Variants in EXD1 observed in about 807,000 individuals in gnomAD.
EXD1 encodes exonuclease 3'-5' domain containing 1.
Under a neutral mutation model 49.1 loss-of-function variants are expected in EXD1, and 63 were observed. That is an observed-to-expected ratio of 1.28 (90% confidence interval 1.05 to 1.58). EXD1 has a LOEUF of 1.58. Ranked by LOEUF, EXD1 falls within the 40% of genes most tolerant of loss-of-function variation. The pLI is 0.00. For synonymous variants in EXD1, 234 were observed against 239.2 expected (o/e 0.98, Z 0.20); for missense variants, 748 against 666.0 (o/e 1.12, Z -1.36).
chr15:41,202,166 AT>A lies in EXD1; in HGVS notation c.535-6130del, dbSNP rs778214982. On this transcript the variant is annotated intron_variant, in intron 7 of 11. Transcript: ENST00000458580. ...ACTTTCATTATATATATATATATAT[AT>A]TTTTTTTAATTTAATTTTATTTTTT... 7.2e-3 allele frequency among the ~76,000 whole-genome samples: 953 copies of A among 132,640 alleles called. 10 individuals are homozygous for A. Among genetic ancestry groups the A allele is most frequent in the African/African-American group, 0.031 (917 of 29,860 alleles). 87.0% of individuals were successfully genotyped at this position (132,640 alleles called of 152,430 possible).
At chr15:41,204,908 T>C (rs1051243292) in intron 7 of EXD1, among the ~76,000 whole-genome samples, 1 of 152,088 alleles carries the variant, frequency 6.6e-6, no homozygotes, top group African/African-American at 2.4e-5. Flanking sequence ...TCCCGCTACA[T>C]ACCAGGAAAG....
chr15:41,206,249 C>T (rs1240123104), intron 7 of EXD1, among the ~76,000 whole-genome samples: 1 of 151,942 alleles, frequency 6.6e-6, no homozygotes, highest in Non-Finnish European at 1.5e-5. Flanking sequence ...GCAGGCAGAT[C>T]ACTTGAGGTT....
intron 2 of EXD1, among the ~76,000 whole-genome samples, chr15:41,222,638 A>ATTT (rs10555628): frequency 1.5e-5 from 2 of 133,724 alleles, no homozygotes; most frequent in Non-Finnish European, 3.2e-5. Flanking sequence ...TTTTATTTAA[A>ATTT]TTTTTTTTTT....
At chr15:41,199,230 G>A (rs886658364) in intron 7 of EXD1, among the ~76,000 whole-genome samples, 1 of 151,862 alleles carries the variant, frequency 6.6e-6, no homozygotes, top group East Asian at 1.9e-4. Context: ...GGGATTACAG[G>A]CATGAGCTAC....
intron 2 of EXD1, among the ~76,000 whole-genome samples, chr15:41,221,799 C>T (rs1448859356): frequency 6.6e-6 from 1 of 151,972 alleles, no homozygotes; most frequent in Non-Finnish European, 1.5e-5. Context: ...CTCATATTTT[C>T]AACTAAGAAC....
intron 11 of EXD1, among the ~76,000 whole-genome samples, chr15:41,186,300 C>T (rs1239929104): frequency 6.6e-6 from 1 of 151,742 alleles, no homozygotes; most frequent in Non-Finnish European, 1.5e-5. Context: ...GGCCAAACCC[C>T]ATCTCTACTA....
intron 7 of EXD1, among the ~76,000 whole-genome samples, chr15:41,208,034 G>A (rs1469352705): frequency 1.3e-5 from 2 of 150,174 alleles, no homozygotes; most frequent in Admixed American, 1.3e-4. Context: ...AAGAAAGAGA[G>A]AAAACAAAAA....
chr15:41,188,339 T>A (rs1359808800), intron 11 of EXD1, among the ~76,000 whole-genome samples: 1 of 108,946 alleles, frequency 9.2e-6, no homozygotes, highest in African/African-American at 3.4e-5. Flanking sequence ...CTCTTCCCCC[T>A]CCCCTTGTCC....
At chr15:41,214,654 C>T (rs2046974092) in intron 6 of EXD1, among the ~76,000 whole-genome samples, 1 of 152,176 alleles carries the variant, frequency 6.6e-6, no homozygotes, top group Non-Finnish European at 1.5e-5. Flanking sequence ...TCACTGTGGT[C>T]CTGTCACACT....
chr15:41,186,169 A>C (rs917031650), intron 11 of EXD1, among the ~76,000 whole-genome samples: 8 of 152,070 alleles, frequency 5.3e-5, no homozygotes, highest in Non-Finnish European at 1.2e-4. Flanking sequence ...CCATGGATTC[A>C]ACCAACTGTA....
In EXD1 at chr15:41,229,337, G is replaced by A. The variant is rs892961882; in HGVS notation, c.-54+1142C>T. The stretch of plus-strand genomic sequence containing the variant: ...TACTAAAAATACAAAAATTAGCTGG[G>A]CGTGGTGGCACGCGCCTGTAATCCC... On this transcript the variant is annotated intron_variant, in intron 1 of 11. Coordinates refer to ENST00000458580, the MANE Select transcript of EXD1 (RefSeq NM_001286441.2). 3.3e-5 allele frequency among the ~76,000 whole-genome samples: 5 copies of A among 151,954 alleles called. No individual in the cohort carries two copies. In the South Asian group the frequency reaches 1.0e-3, roughly 31 times the overall value.
At chr15:41,194,756 C>T (rs768301702) in intron 9 of EXD1, among the ~76,000 whole-genome samples, 14 of 151,998 alleles carry the variant, frequency 9.2e-5, no homozygotes, top group Admixed American at 3.3e-4. Context: ...TTAGACAATA[C>T]GTATAAGATC....
Position 41,182,914 on chromosome 15 carries a change from TA to T in EXD1, c.*1016del, listed in dbSNP as rs2046345087. ...CTTCAAGTTTATATAACAGACAGAC[TA>T]AAAAGAAACCCAGGGTCCCTGCTTT... On this transcript the variant is annotated 3_prime_UTR_variant, in exon 12 of 12. Transcript: ENST00000458580. 2.0e-5 allele frequency: 3 copies of T among 152,166 alleles called. No homozygotes were observed. In the East Asian group the frequency reaches 5.8e-4, roughly 29 times the overall value. The allele number at this position is 152,166 out of a possible 1,614,324, so 9.4% of individuals were successfully genotyped here.
In EXD1 at chr15:41,198,024, CA is replaced by C. The variant is rs369020899; in HGVS notation, c.535-1988del. On this transcript the variant is annotated intron_variant, in intron 7 of 11. Transcript: ENST00000458580. ...GGAGGACAAGAGTGAGACTTTGTCT[CA>C]AAAAAAATAAAAATAAAGAAATAAA... is the stretch of plus-strand genomic sequence containing the variant. Among the ~76,000 whole-genome samples the C allele has an allele frequency of 3.4e-3, 515 of 151,148 alleles. 2 individuals are homozygous for C. Among genetic ancestry groups the C allele is most frequent in the African/African-American group, 0.012 (486 of 41,248 alleles).
At chr15:41,199,529 T>C (rs1435467967) in intron 7 of EXD1, among the ~76,000 whole-genome samples, 1 of 148,894 alleles carries the variant, frequency 6.7e-6, no homozygotes, top group African/African-American at 2.5e-5. Flanking sequence ...TTGCCCTATA[T>C]ATCTCTTCCA....
At chr15:41,206,810 C>T (rs2046831758) in intron 7 of EXD1, among the ~76,000 whole-genome samples, 1 of 147,062 alleles carries the variant, frequency 6.8e-6, no homozygotes, top group Non-Finnish European at 1.5e-5. Flanking sequence ...TTAGTAGAGG[C>T]GGGGTTTCAC....
At chr15:41,224,169 C>T (rs2047129105) in intron 2 of EXD1, among the ~76,000 whole-genome samples, 1 of 152,164 alleles carries the variant, frequency 6.6e-6, no homozygotes, top group Admixed American at 6.5e-5. Flanking sequence ...AACTCCTGAC[C>T]TCAGGTGATC....
chr15:41,216,888 G>A, intron 4 of EXD1, 93 bp from the exon 5 acceptor site: 2 of 1,549,328 alleles, frequency 1.3e-6, no homozygotes, highest in Non-Finnish European at 1.7e-6. Context: ...AAGGACAGTG[G>A]TCCTTCATTA....
chr15:41,216,757 A>C lies in EXD1; in HGVS notation c.299T>G (p.Val100Gly), dbSNP rs1048834180. Residue 100 changes from valine to glycine, a missense_variant, in exon 5 of 12, where the codon GTT (valine) becomes GGT (glycine). Physicochemically the swap from Val to Gly is moderately radical, Grantham distance 109. Transcript: ENST00000458580. Reference protein sequence around the residue: ...AERTWMEKMKVEDLNVCEPAS... With the variant: ...AERTWMEKMKGEDLNVCEPAS... Reference sequence around the variant, plus strand: ...AGGCTCACATACATTTAGGTCTTCAACTTTCATTTTCTCCATCCAGGTTCT... The same window carrying C: ...AGGCTCACATACATTTAGGTCTTCACCTTTCATTTTCTCCATCCAGGTTCT... The C allele has an allele frequency of 1.9e-6, 3 of 1,613,850 alleles. No homozygotes were observed. The highest frequency in any genetic ancestry group is 1.7e-4 in the Middle Eastern group (1 of 5,808).
Sources: allele counts gnomAD v4.1 joint callset (sites outside exome capture counted in the v4.1 genomes callset), GRCh38; gene constraint gnomAD v4.1.1; transcripts MANE v1.5; gene names NCBI Gene and HGNC (gene_info 2026-07-23, HGNC 2026-07-21).